Variants in DST observed in about 807,000 individuals in gnomAD.
DST encodes the protein dystonin, also known as bullous pemphigoid antigen.
Under a neutral mutation model 875.2 loss-of-function variants are expected in DST, and 253 were observed. The ratio of observed to expected loss-of-function variants is 0.29; its 90% CI spans 0.26 to 0.32. The LOEUF is 0.32. Ranked by LOEUF, DST falls within the 10% of genes least tolerant of loss-of-function variation. DST has a pLI of 1.00. For synonymous variants in DST, 3,124 were observed against 3,197.1 expected, an observed-to-expected ratio of 0.98 and a Z score of 0.77; for missense variants, 8,287 against 9,111.6, an observed-to-expected ratio of 0.91 and a Z score of 3.68.
In DST at chr6:56,582,491, G is replaced by A. The variant is rs2098026090; in HGVS notation, c.12904-3554C>T. On this transcript the variant is annotated intron_variant, in intron 49 of 103. Coordinates refer to ENST00000680361, the MANE Select transcript of DST (RefSeq NM_001374736.1). ...GCACCATGAGTAAAAGTTCCCTGAG[G>A]CTTCCCCAGAAGCTGAGTGATGTCA... 2.0e-5 allele frequency among the ~76,000 whole-genome samples: 3 copies of A among 150,494 alleles called. No homozygotes were observed. In the Admixed American group the frequency reaches 2.0e-4, roughly 10 times the overall value.
intron 4 of DST, among the ~76,000 whole-genome samples, chr6:56,741,755 G>A (rs2152938321): frequency 6.6e-6 from 1 of 152,282 alleles, no homozygotes; most frequent in African/African-American, 2.4e-5. Flanking sequence ...TTAGAGCAAT[G>A]TTGCTACAGC....
chr6:56,843,170 TG>T, intron 4 of DST: 1 of 1,541,436 alleles, frequency 6.5e-7, no homozygotes, highest in Non-Finnish European at 8.8e-7. Flanking sequence ...AAGCGATGAC[TG>T]ACAAATTCCC....
intron 4 of DST, among the ~76,000 whole-genome samples, chr6:56,788,579 C>A (rs1277957561): frequency 6.6e-6 from 1 of 152,084 alleles, no homozygotes; most frequent in African/African-American, 2.4e-5. Flanking sequence ...ATAAAAATAG[C>A]ACAAGAGAAA....
intron 80 of DST, among the ~76,000 whole-genome samples, chr6:56,499,785 T>C (rs1175565572): frequency 6.6e-6 from 1 of 152,146 alleles, no homozygotes; most frequent in Non-Finnish European, 1.5e-5. Context: ...TATCCTGATG[T>C]ATGTTACCTT....
At chr6:56,898,567 C>T (rs1792565399) in intron 3 of DST, among the ~76,000 whole-genome samples, 1 of 152,186 alleles carries the variant, frequency 6.6e-6, no homozygotes, top group Non-Finnish European at 1.5e-5. Flanking sequence ...CAACTGATGC[C>T]TATTACACAA....
intron 88 of DST, chr6:56,483,461 C>T (rs2095463332): frequency 6.9e-6 from 1 of 145,560 alleles, no homozygotes; most frequent in South Asian, 2.3e-4. Flanking sequence ...GGTACTAACT[C>T]ATAATGTCAA....
At chr6:56,504,154 G>A (rs781710865) in intron 77 of DST, 56 bp from the exon 78 acceptor site, 4 of 1,040,228 alleles carry the variant, frequency 3.8e-6, no homozygotes, top group Admixed American at 2.2e-5. Flanking sequence ...AATTGCTACA[G>A]TATTTCAAGT....
In DST at chr6:56,572,773, C is replaced by G. The variant is rs1429616092; in HGVS notation, c.13528G>C (p.Val4510Leu). Residue 4510 changes from valine to leucine, a missense_variant, in exon 52 of 104, where the codon GTT (valine) becomes CTT (leucine). By Grantham distance (32) the Val-to-Leu change is conservative (BLOSUM62 1). Transcript: ENST00000680361. ...TGCATATACTGAGACAATTCAGTAA[C>G]ATCTTTTCCTGGCACATCTACTTCA... ...LTEVDVPGKD[V>L]TELSQYMQES... 1.9e-6 allele frequency: 3 copies of G among 1,601,506 alleles called. No homozygotes were observed. The Admixed American group carries it at 5.2e-5, about 28-fold the overall frequency.
intron 61 of DST, chr6:56,540,390 T>C (rs772731490): frequency 6.6e-6 from 1 of 152,622 alleles, no homozygotes; most frequent in South Asian, 2.1e-4. Flanking sequence ...GAGAACTTCT[T>C]ATAGAGCATT....
At chr6:56,938,670 A>G (rs1232962265) in intron 2 of DST, among the ~76,000 whole-genome samples, 1 of 152,204 alleles carries the variant, frequency 6.6e-6, no homozygotes, top group Non-Finnish European at 1.5e-5. Context: ...ACCCACTGTG[A>G]CTTGCTTTGG....
intron 50 of DST, among the ~76,000 whole-genome samples, chr6:56,577,268 A>G (rs2097884614): frequency 1.3e-5 from 2 of 152,220 alleles, no homozygotes; most frequent in African/African-American, 4.8e-5. Context: ...TTCGAGTAAC[A>G]TAAATACAAA....
At chr6:56,670,968 A>C (rs1290185374) in intron 9 of DST, among the ~76,000 whole-genome samples, 161 bp from the exon 10 acceptor site, 1 of 152,256 alleles carries the variant, frequency 6.6e-6, no homozygotes, top group African/African-American at 2.4e-5. Context: ...ACATGTGTAC[A>C]GCACTTAAGA....
At chr6:56,646,022 A>G (rs1423363454) in intron 14 of DST, 29 bp from the exon 15 acceptor site, 6 of 1,602,062 alleles carry the variant, frequency 3.7e-6, no homozygotes, top group Non-Finnish European at 5.1e-6. Flanking sequence ...TTTAATGTGA[A>G]GCAAAAATGA....
Position 56,632,834 on chromosome 6 carries a change from C to A in DST, c.3805+20G>T, listed in dbSNP as rs377469675. 6.2e-6 allele frequency: 10 copies of A among 1,609,644 alleles called. No individual in the cohort carries two copies. Among genetic ancestry groups the A allele is most frequent in the South Asian group, 2.2e-5 (2 of 90,934 alleles). Reference sequence around the variant, plus strand: ...CTAAACACCTATGGGGAAAAAAAGACAGGGATCCCCATGCTTTACCTCTTT... The same window carrying A: ...CTAAACACCTATGGGGAAAAAAAGAAAGGGATCCCCATGCTTTACCTCTTT... On this transcript the variant is annotated intron_variant, in intron 28 of 103. Coordinates refer to ENST00000680361, the MANE Select transcript of DST (RefSeq NM_001374736.1).
intron 98 of DST, 35 bp from the exon 99 acceptor site, chr6:56,466,230 C>A: frequency 1.4e-6 from 2 of 1,416,138 alleles, no homozygotes; most frequent in Admixed American, 2.3e-5. Flanking sequence ...CTCTAGTTGT[C>A]AATAATAATT....
rs749257774 is a variant in DST, at chr6:56,515,560, T to C, written c.18466A>G (p.Thr6156Ala). 1.9e-5 allele frequency: 30 copies of C among 1,613,930 alleles called. No individual in the cohort carries two copies. The highest frequency in any genetic ancestry group is 2.5e-5 in the Non-Finnish European group (29 of 1,179,846). Residue 6156 changes from threonine to alanine, a missense_variant, in exon 72 of 104, where the codon ACA becomes GCA. Coordinates refer to ENST00000680361, the MANE Select transcript of DST (RefSeq NM_001374736.1). Reference sequence around the variant, plus strand: ...AGCCATGGCCAAAGTTCTTCATATGTTTCCCAGAATTGGTTAACCAGGGAC... The same window carrying C: ...AGCCATGGCCAAAGTTCTTCATATGCTTCCCAGAATTGGTTAACCAGGGAC... ...AQSLVNQFWE[T>A]YEELWPWLTE...
chr6:56,641,193 T>C (rs1486633713), intron 17 of DST, among the ~76,000 whole-genome samples: 1 of 151,390 alleles, frequency 6.6e-6, no homozygotes, highest in East Asian at 1.9e-4. Context: ...TACACACACT[T>C]CTCAGTGATA....
Position 56,593,818 on chromosome 6 carries a change from A to G in DST, c.12571T>C (p.Leu4191=). Residue 4191 remains leucine (L), a synonymous_variant, in exon 48 of 104, where the codon TTG becomes CTG. Coordinates refer to ENST00000680361, the MANE Select transcript of DST (RefSeq NM_001374736.1). ...TTTCCAGAAATTGTGATGTATCTCA[A>G]GTCACCTTTGTGAGAAATAACGTCT... ...SEDVISHKGD[L]RYITISGNRV... is the part of the protein sequence containing the mutation. 6 of 1,613,906 alleles carry G rather than the reference A, an allele frequency of 3.7e-6. No individual in the cohort carries two copies. Among genetic ancestry groups the G allele is most frequent in the Non-Finnish European group, 5.1e-6 (6 of 1,179,860 alleles).
chr6:56,900,336 T>C (rs1172859510), intron 3 of DST, 85 bp downstream of exon 3: 8 of 1,123,180 alleles, frequency 7.1e-6, no homozygotes, highest in Non-Finnish European at 9.6e-6. Flanking sequence ...TCAAAGTTAA[T>C]CTGATAATGT....
Sources: gnomAD v4.1 joint callset for allele counts (sites outside exome capture counted in the v4.1 genomes callset) on GRCh38, gnomAD v4.1.1 for gene constraint, MANE v1.5 for transcripts, NCBI Gene and HGNC (gene_info 2026-07-23, HGNC 2026-07-21) for gene names.